Variants in CDK14 observed in about 807,000 individuals in gnomAD.
CDK14 encodes cyclin-dependent kinase 14.
A neutral mutation model predicts 60.7 loss-of-function variants in CDK14; 34 were observed. The observed-to-expected ratio is 0.56, with a 90% CI of 0.43 to 0.75. CDK14 has a LOEUF of 0.75. CDK14 is among the 30% of genes least tolerant of loss of function. The pLI is 0.00. For synonymous variants in CDK14, 197 were observed against 203.7 expected, an observed-to-expected ratio of 0.97 and a Z score of 0.28; for missense variants, 482 against 564.1, an observed-to-expected ratio of 0.85 and a Z score of 1.47.
chr7:91,094,469 G>A (rs1337136905), intron 12 of CDK14, among the ~76,000 whole-genome samples: 2 of 152,098 alleles, frequency 1.3e-5, no homozygotes, highest in Non-Finnish European at 2.9e-5. Context: ...ACTTGTTCAC[G>A]GCACACGTCT....
intron 2 of CDK14, among the ~76,000 whole-genome samples, chr7:90,705,276 A>G (rs1801872837): frequency 6.6e-6 from 1 of 151,786 alleles, no homozygotes; most frequent in Admixed American, 6.6e-5. Flanking sequence ...AAATTTTCTT[A>G]GTGTTTCTTT....
At chr7:91,090,832 A>T (rs1342697933) in intron 12 of CDK14, among the ~76,000 whole-genome samples, 1 of 152,082 alleles carries the variant, frequency 6.6e-6, no homozygotes, top group Non-Finnish European at 1.5e-5. Context: ...TTTCGGCAGC[A>T]CTGATTCTGT....
chr7:90,862,188 C>T (rs954973264), intron 5 of CDK14, among the ~76,000 whole-genome samples: 3 of 152,096 alleles, frequency 2.0e-5, no homozygotes, highest in Non-Finnish European at 4.4e-5. Context: ...GGTAACCCAA[C>T]ATATTAATAT....
chr7:90,634,484 A>G (rs941218176), intron 2 of CDK14, among the ~76,000 whole-genome samples: 2 of 151,728 alleles, frequency 1.3e-5, no homozygotes, highest in Non-Finnish European at 2.9e-5. Flanking sequence ...ATGGCTGCAT[A>G]GTATTCCATG....
intron 10 of CDK14, 149 bp downstream of exon 10, chr7:90,984,390 G>A: frequency 1.6e-6 from 1 of 617,790 alleles, no homozygotes; most frequent in Non-Finnish European, 2.9e-6. Flanking sequence ...TGAAAAAGCA[G>A]GAAATCAGTT....
At chr7:90,600,515 T>C (rs1030777503) in intron 1 of CDK14, among the ~76,000 whole-genome samples, 18 of 152,212 alleles carry the variant, frequency 1.2e-4, no homozygotes, top group African/African-American at 4.1e-4. Context: ...ATACCATTTC[T>C]TTAAAGGACA....
At chr7:90,796,111 T>C (rs1461514170) in intron 5 of CDK14, among the ~76,000 whole-genome samples, 1 of 152,162 alleles carries the variant, frequency 6.6e-6, no homozygotes, top group African/African-American at 2.4e-5. Flanking sequence ...ATTTTAAGCC[T>C]TGAGATGAGC....
intron 14 of CDK14, among the ~76,000 whole-genome samples, 183 bp from the exon 15 acceptor site, chr7:91,206,982 A>G (rs968027014): frequency 2.0e-5 from 3 of 152,112 alleles, no homozygotes; most frequent in Non-Finnish European, 2.9e-5. Context: ...TTTGTTTATC[A>G]TATTAGAAGG....
At chr7:90,803,809 C>T (rs1280276925) in intron 5 of CDK14, among the ~76,000 whole-genome samples, 1 of 152,134 alleles carries the variant, frequency 6.6e-6, no homozygotes, top group African/African-American at 2.4e-5. Context: ...AATCAAGACA[C>T]TGAATTCCTT....
chr7:90,733,453 T>G (rs2116742189), intron 3 of CDK14, among the ~76,000 whole-genome samples: 1 of 152,342 alleles, frequency 6.6e-6, no homozygotes, highest in East Asian at 1.9e-4. Flanking sequence ...TTTGGGAGTC[T>G]AAGTCTCTTT....
chr7:91,168,260 C>CAA (rs35827575), intron 14 of CDK14, among the ~76,000 whole-genome samples: 15,040 of 123,466 alleles, frequency 0.12, 857 homozygotes, highest in Non-Finnish European at 0.14. Flanking sequence ...GACTCTGTCT[C>CAA]AAAAAAAAAA....
At chr7:90,981,224 A>G (rs1027776595) in intron 9 of CDK14, among the ~76,000 whole-genome samples, 11 of 152,226 alleles carry the variant, frequency 7.2e-5, no homozygotes, top group South Asian at 4.1e-4. Context: ...AAATTTAAGT[A>G]GACTTAACCA....
chr7:91,126,352 T>C (rs889227764), intron 14 of CDK14, among the ~76,000 whole-genome samples: 3 of 152,208 alleles, frequency 2.0e-5, no homozygotes, highest in Non-Finnish European at 2.9e-5. Flanking sequence ...CCACCATACC[T>C]GTTTGTTTTT....
At chr7:90,848,796 C>A (rs1790551609) in intron 5 of CDK14, among the ~76,000 whole-genome samples, 1 of 152,090 alleles carries the variant, frequency 6.6e-6, no homozygotes, top group African/African-American at 2.4e-5. Flanking sequence ...AACAAATGTC[C>A]CATGCTAATA....
intron 10 of CDK14, among the ~76,000 whole-genome samples, chr7:91,045,613 C>T (rs1797210211): frequency 6.6e-6 from 1 of 152,082 alleles, no homozygotes; most frequent in Non-Finnish European, 1.5e-5. Context: ...GATGACAGCT[C>T]ATTGTTTGAT....
intron 13 of CDK14, among the ~76,000 whole-genome samples, chr7:91,114,114 A>G (rs1308735802): frequency 6.6e-6 from 1 of 152,146 alleles, no homozygotes; most frequent in Admixed American, 6.6e-5. Context: ...TCACACTCAA[A>G]CATATGGTTT....
chr7:90,664,846 G>A (rs1274305213), intron 2 of CDK14, among the ~76,000 whole-genome samples: 7 of 151,980 alleles, frequency 4.6e-5, no homozygotes, highest in African/African-American at 9.7e-5. Flanking sequence ...GCTAAATGAC[G>A]AGTTAATTGG....
intron 2 of CDK14, among the ~76,000 whole-genome samples, chr7:90,673,966 A>G (rs1801149179): frequency 6.6e-6 from 1 of 152,160 alleles, no homozygotes; most frequent in Non-Finnish European, 1.5e-5. Flanking sequence ...CACCACTTAC[A>G]GCTTTTGTGG....
chr7:90,990,842 C>T (rs149490926), intron 10 of CDK14, among the ~76,000 whole-genome samples: 55 of 152,254 alleles, frequency 3.6e-4, no homozygotes, highest in African/African-American at 1.2e-3. Context: ...TTTTATGCTA[C>T]GGTAATCATT....
Sources: allele counts gnomAD v4.1 joint callset (sites outside exome capture counted in the v4.1 genomes callset), GRCh38; gene constraint gnomAD v4.1.1; transcripts MANE v1.5; gene names NCBI Gene and HGNC (gene_info 2026-07-23, HGNC 2026-07-21).